Variants in DOCK1 observed in about 807,000 individuals in gnomAD.
DOCK1 encodes dedicator of cytokinesis protein 1.
DOCK1 carries 138 observed loss-of-function variants against 262.7 expected under a neutral mutation model. The ratio of observed to expected loss-of-function variants is 0.53; its 90% CI spans 0.46 to 0.61. The LOEUF is 0.61. Ranked by LOEUF, DOCK1 falls within the 20% of genes least tolerant of loss-of-function variation. The probability of loss-of-function intolerance (pLI) is 0.00; values close to 1 mark genes in which losing one functional copy is unlikely to be tolerated. For synonymous variants in DOCK1, 866 were observed against 867.4 expected (o/e 1.00, Z 0.03); for missense variants, 1,908 against 2,370.7 (o/e 0.80, Z 4.05).
intron 43 of DOCK1, among the ~76,000 whole-genome samples, chr10:127,412,111 C>T (rs1394327097): frequency 3.3e-5 from 5 of 151,800 alleles, no homozygotes; most frequent in Admixed American, 1.3e-4. Context: ...TACAGGTGCC[C>T]GCCACTACGC....
chr10:127,364,063 G>A (rs540134707), intron 33 of DOCK1, among the ~76,000 whole-genome samples: 21 of 152,356 alleles, frequency 1.4e-4, no homozygotes, highest in Admixed American at 3.9e-4. Context: ...TCTCAAGGCC[G>A]GAACCTCCCT....
At chr10:127,447,358 A>G (rs746971632) in intron 50 of DOCK1, 36 bp from the exon 51 acceptor site, 2 of 1,596,826 alleles carry the variant, frequency 1.3e-6, no homozygotes, top group African/African-American at 1.3e-5. Context: ...TCCGTGGGGA[A>G]GTCGGGCTGA....
intron 29 of DOCK1, among the ~76,000 whole-genome samples, chr10:127,314,830 G>T (rs1161939576): frequency 6.6e-6 from 1 of 152,148 alleles, no homozygotes; most frequent in African/African-American, 2.4e-5. Context: ...GGAGGCAGGG[G>T]GCTGAGACCA....
intron 23 of DOCK1, 101 bp from the exon 24 acceptor site, chr10:127,106,130 T>C (rs2048515142): frequency 1.3e-5 from 16 of 1,207,628 alleles, no homozygotes; most frequent in Admixed American, 2.3e-5. Context: ...GTGATCTTTC[T>C]CTTCTCAGTA....
intron 38 of DOCK1, among the ~76,000 whole-genome samples, chr10:127,398,224 C>T (rs988794021): frequency 3.3e-5 from 5 of 152,160 alleles, no homozygotes; most frequent in Non-Finnish European, 7.3e-5. Context: ...CAGTCAGTGC[C>T]GGTTGAGCAC....
At chr10:127,217,153 A>G (rs2058249670) in intron 27 of DOCK1, among the ~76,000 whole-genome samples, 1 of 152,246 alleles carries the variant, frequency 6.6e-6, no homozygotes, top group Admixed American at 6.5e-5. Flanking sequence ...TTAGAGCTAG[A>G]ACCAGTGTCT....
chr10:126,929,217 G>A (rs1462272557), intron 1 of DOCK1, among the ~76,000 whole-genome samples: 1 of 152,202 alleles, frequency 6.6e-6, no homozygotes, highest in Non-Finnish European at 1.5e-5. Flanking sequence ...CTGATCTGGG[G>A]ATGAACCATT....
chr10:127,123,330 G>A lies in DOCK1; in HGVS notation c.2624-2144G>A, dbSNP rs149561004. ...TAGGGATGACCAAGTGACAGGGTTG[G>A]GCCAGGGCTCTCCCCATGTTGAGGT... is the stretch of plus-strand genomic sequence containing the variant. On this transcript the variant is annotated intron_variant, in intron 25 of 51. Coordinates refer to ENST00000623213, the MANE Select transcript of DOCK1 (RefSeq NM_001290223.2). 2.2e-4 allele frequency among the ~76,000 whole-genome samples: 33 copies of A among 152,286 alleles called. 3 individuals are homozygous for A. The South Asian group carries it at 6.8e-3, about 32-fold the overall frequency.
intron 28 of DOCK1, among the ~76,000 whole-genome samples, chr10:127,254,678 A>G (rs1034423673): frequency 5.3e-5 from 8 of 152,122 alleles, no homozygotes; most frequent in African/African-American, 1.7e-4. Flanking sequence ...TTCCCTAACA[A>G]TCCTTCATCG....
intron 29 of DOCK1, among the ~76,000 whole-genome samples, chr10:127,296,091 T>C (rs1299754880): frequency 6.6e-6 from 1 of 152,196 alleles, no homozygotes; most frequent in Non-Finnish European, 1.5e-5. Context: ...GCAGTTGTTG[T>C]ACTTGCCGTA....
chr10:127,394,370 A>G lies in DOCK1; in HGVS notation c.3928-8685A>G, dbSNP rs911058596. Among the ~76,000 whole-genome samples the G allele has an allele frequency of 3.6e-5, 5 of 139,818 alleles. No homozygotes were observed. The East Asian group carries it at 1.0e-3, about 28-fold the overall frequency. The allele number at this position is 139,818 out of a possible 152,430, so 91.7% of individuals were successfully genotyped here. The stretch of plus-strand genomic sequence containing the variant: ...ACCAATGTAAAAAAAAAAAAAAAAA[A>G]GCGTTTTACATCATTGTGTAAACTA... On this transcript the variant is annotated intron_variant, in intron 38 of 51. Coordinates refer to ENST00000623213, the MANE Select transcript of DOCK1 (RefSeq NM_001290223.2).
intron 29 of DOCK1, among the ~76,000 whole-genome samples, chr10:127,321,272 C>T (rs561422330): frequency 7.6e-5 from 10 of 131,810 alleles, no homozygotes; most frequent in African/African-American, 2.0e-4. Flanking sequence ...CTCCTCCCCT[C>T]GGCCCTATCC....
chr10:127,063,395 G>A (rs556009176), intron 23 of DOCK1, among the ~76,000 whole-genome samples: 1 of 152,286 alleles, frequency 6.6e-6, no homozygotes, highest in Admixed American at 6.5e-5. Flanking sequence ...CATGAATCAA[G>A]TCGGAGCCTA....
At chr10:127,385,322 T>C (rs963074679) in intron 38 of DOCK1, among the ~76,000 whole-genome samples, 3 of 152,158 alleles carry the variant, frequency 2.0e-5, no homozygotes, top group Non-Finnish European at 2.9e-5. Context: ...TAAACAAAAT[T>C]ATAGATTCCA....
intron 30 of DOCK1, among the ~76,000 whole-genome samples, chr10:127,340,310 T>C (rs1474015260): frequency 6.6e-6 from 1 of 152,196 alleles, no homozygotes; most frequent in African/African-American, 2.4e-5. Context: ...CTTTGCTGCC[T>C]CTCACTGCCC....
At position 126,929,500 on chromosome 10, in the gene DOCK1, AAG is replaced by A. The variant is rs1591350168; in HGVS notation, c.46+23938_46+23939del. On this transcript the variant is annotated intron_variant, in intron 1 of 51. Coordinates refer to ENST00000623213, the MANE Select transcript of DOCK1 (RefSeq NM_001290223.2). Reference sequence around the variant, plus strand: ...CAGTACTCATGGTGGAGTCTCTGGGAAGCTTCACCAAGGAGGCTCCTGGCGAG... The same window carrying A: ...CAGTACTCATGGTGGAGTCTCTGGGACTTCACCAAGGAGGCTCCTGGCGAG... 2.2e-4 allele frequency among the ~76,000 whole-genome samples: 33 copies of A among 152,186 alleles called. No homozygotes were observed. In the East Asian group the frequency reaches 6.0e-3, roughly 28 times the overall value.
chr10:127,096,190 A>G (rs2047900434), intron 23 of DOCK1, among the ~76,000 whole-genome samples: 1 of 152,192 alleles, frequency 6.6e-6, no homozygotes, highest in African/African-American at 2.4e-5. Context: ...CACACCATAG[A>G]GATGCCTCCT....
chr10:127,188,166 A>C (rs976962707), intron 27 of DOCK1, among the ~76,000 whole-genome samples: 1 of 152,210 alleles, frequency 6.6e-6, no homozygotes, highest in East Asian at 1.9e-4. Context: ...GATCCCACAC[A>C]GGCCCACAGA....
At chr10:126,949,496 T>A (rs1225035935) in intron 1 of DOCK1, among the ~76,000 whole-genome samples, 5 of 152,168 alleles carry the variant, frequency 3.3e-5, no homozygotes, top group African/African-American at 9.6e-5. Context: ...ATGAGACCCA[T>A]TCTTGTGAAT....
Sources: allele counts gnomAD v4.1 joint callset (sites outside exome capture counted in the v4.1 genomes callset), GRCh38; gene constraint gnomAD v4.1.1; transcripts MANE v1.5; gene names NCBI Gene and HGNC (gene_info 2026-07-23, HGNC 2026-07-21).